TRAPPC9: variants seen among roughly 807,000 people sequenced by gnomAD.
The protein encoded by TRAPPC9 is trafficking protein particle complex subunit 9.
In TRAPPC9, 83 loss-of-function variants were observed where a neutral mutation model predicts 124.0. That is an observed-to-expected ratio of 0.67 (90% CI 0.56 to 0.80). TRAPPC9 has a LOEUF of 0.80. Among genes scored for constraint, TRAPPC9 ranks in the 30% least tolerant of loss-of-function variants. The pLI is 0.00. For missense variants in TRAPPC9, 1,302 were observed against 1,508.3 expected (o/e 0.86, Z 2.27); for synonymous variants, 638 against 617.5 (o/e 1.03, Z -0.49).
chr8:140,066,875 C>A (rs911138693), intron 17 of TRAPPC9, among the ~76,000 whole-genome samples: 1 of 152,210 alleles, frequency 6.6e-6, no homozygotes, highest in Non-Finnish European at 1.5e-5. Flanking sequence ...CTTTTCCCTG[C>A]AGCACTTGCA....
intron 9 of TRAPPC9, among the ~76,000 whole-genome samples, chr8:140,356,771 G>T (rs561172115): frequency 6.6e-6 from 1 of 152,004 alleles, no homozygotes; most frequent in Non-Finnish European, 1.5e-5. Flanking sequence ...CACCTCGCCC[G>T]GTTAATCTTT....
intron 17 of TRAPPC9, chr8:140,215,861 C>T (rs182971831): frequency 6.6e-6 from 1 of 152,306 alleles, no homozygotes; most frequent in African/African-American, 2.4e-5. Context: ...CTCTCAGTTC[C>T]CACGCTAAAG....
At chr8:140,107,883 G>A (rs1213939432) in intron 17 of TRAPPC9, among the ~76,000 whole-genome samples, 1 of 151,640 alleles carries the variant, frequency 6.6e-6, no homozygotes, top group Non-Finnish European at 1.5e-5. Context: ...ATTTAAGTCT[G>A]GCAGTTTCCA....
intron 17 of TRAPPC9, among the ~76,000 whole-genome samples, chr8:140,072,627 G>A (rs765222124): frequency 4.1e-4 from 61 of 149,336 alleles, no homozygotes; most frequent in Non-Finnish European, 7.7e-4. Context: ...GAGGAGGAGC[G>A]GTGGTGGTGA....
intron 5 of TRAPPC9, among the ~76,000 whole-genome samples, chr8:140,420,301 T>A (rs2070155588): frequency 6.6e-6 from 1 of 152,130 alleles, no homozygotes; most frequent in African/African-American, 2.4e-5. Context: ...GATCAACAGT[T>A]TGGAGAATCT....
At chr8:139,871,434 T>C (rs1459118943) in intron 21 of TRAPPC9, among the ~76,000 whole-genome samples, 1 of 152,236 alleles carries the variant, frequency 6.6e-6, no homozygotes, top group South Asian at 2.1e-4. Context: ...ATTTATACTG[T>C]GTCTCTCATT....
At chr8:139,755,087 A>AG (rs1353835411) in intron 21 of TRAPPC9, among the ~76,000 whole-genome samples, 1 of 152,188 alleles carries the variant, frequency 6.6e-6, no homozygotes, top group African/African-American at 2.4e-5. Context: ...GTCACCTGAG[A>AG]GGTCGTTGTA....
intron 18 of TRAPPC9, among the ~76,000 whole-genome samples, chr8:140,014,573 C>T (rs1839342189): frequency 6.6e-6 from 1 of 152,040 alleles, no homozygotes; most frequent in Non-Finnish European, 1.5e-5. Flanking sequence ...GCTCACTCTC[C>T]CCCTAGGGAG....
At chr8:139,820,396 G>A (rs1825176102) in intron 21 of TRAPPC9, among the ~76,000 whole-genome samples, 1 of 152,060 alleles carries the variant, frequency 6.6e-6, no homozygotes. Flanking sequence ...GGTCAGGCTG[G>A]ACTCGAACTC....
At chr8:140,282,258 T>G (rs1314402365) in intron 14 of TRAPPC9, among the ~76,000 whole-genome samples, 1 of 152,174 alleles carries the variant, frequency 6.6e-6, no homozygotes, top group Non-Finnish European at 1.5e-5. Flanking sequence ...ATCCCAGCAC[T>G]TTGGGAGGCC....
chr8:140,197,014 AAC>A (rs1344218520), intron 17 of TRAPPC9, among the ~76,000 whole-genome samples: 1 of 152,264 alleles, frequency 6.6e-6, no homozygotes, highest in Non-Finnish European at 1.5e-5. Context: ...AATTGCCAGG[AAC>A]AGAGTAACAC....
intron 20 of TRAPPC9, among the ~76,000 whole-genome samples, chr8:139,895,931 G>A (rs1011308258): frequency 7.9e-5 from 12 of 152,318 alleles, no homozygotes; most frequent in South Asian, 2.1e-4. Context: ...TAACAGGCCC[G>A]GCCAGGCTGA....
intron 10 of TRAPPC9, among the ~76,000 whole-genome samples, 177 bp downstream of exon 10, chr8:140,311,071 C>T (rs1269486895): frequency 6.6e-6 from 1 of 152,186 alleles, no homozygotes; most frequent in Non-Finnish European, 1.5e-5. Flanking sequence ...CTGACTCTCT[C>T]ATCTCTAAAA....
At chr8:140,061,508 G>A (rs905056573) in intron 17 of TRAPPC9, among the ~76,000 whole-genome samples, 2 of 152,184 alleles carry the variant, frequency 1.3e-5, no homozygotes, top group African/African-American at 2.4e-5. Context: ...TGAGTACAGA[G>A]CCATGTCCGC....
intron 17 of TRAPPC9, among the ~76,000 whole-genome samples, chr8:140,147,107 T>C (rs1012991515): frequency 6.6e-6 from 1 of 152,252 alleles, no homozygotes; most frequent in Non-Finnish European, 1.5e-5. Context: ...TCCAGTTTCA[T>C]ATTTTACTCT....
At chr8:140,200,631 A>G (rs1453955090) in intron 17 of TRAPPC9, among the ~76,000 whole-genome samples, 1 of 152,144 alleles carries the variant, frequency 6.6e-6, no homozygotes, top group Non-Finnish European at 1.5e-5. Flanking sequence ...AATCTACAAA[A>G]TATCTGACCG....
At chr8:139,851,491 C>T (rs1424295914) in intron 21 of TRAPPC9, among the ~76,000 whole-genome samples, 1 of 152,124 alleles carries the variant, frequency 6.6e-6, no homozygotes, top group African/African-American at 2.4e-5. Context: ...TGGGACCGGG[C>T]CTGCTTTCCA....
At chr8:139,839,346 C>G (rs535430074) in intron 21 of TRAPPC9, among the ~76,000 whole-genome samples, 6 of 152,186 alleles carry the variant, frequency 3.9e-5, no homozygotes, top group Non-Finnish European at 7.3e-5. Flanking sequence ...TGCAGCAGAA[C>G]GGGATCCAGG....
intron 17 of TRAPPC9, among the ~76,000 whole-genome samples, chr8:140,069,834 T>TGA (rs1843060647): frequency 6.6e-6 from 1 of 152,180 alleles, no homozygotes; most frequent in Admixed American, 6.5e-5. Context: ...GCTGTAGCCC[T>TGA]TGGTCCAAAG....
Sources: gnomAD v4.1 joint callset for allele counts (sites outside exome capture counted in the v4.1 genomes callset) on GRCh38, gnomAD v4.1.1 for gene constraint, MANE v1.5 for transcripts, NCBI Gene and HGNC (gene_info 2026-07-23, HGNC 2026-07-21) for gene names.